PNPLA4: variants seen among roughly 807,000 people sequenced by gnomAD.
PNPLA4 encodes the protein patatin like domain 4, phospholipase and triacylglycerol lipase, also known as patatin-like phospholipase domain-containing protein 4.
A neutral mutation model predicts 18.3 loss-of-function variants in PNPLA4; 15 were observed. That is an observed-to-expected ratio of 0.82 (90% CI 0.55 to 1.26). The LOEUF is 1.26. Ranked by LOEUF, PNPLA4 falls within the 50% of genes most tolerant of loss-of-function variation. PNPLA4 has a pLI of 0.00. For missense variants in PNPLA4, 229 were observed against 196.8 expected, an observed-to-expected ratio of 1.16 and a Z score of -0.98; for synonymous variants, 88 against 85.6, an observed-to-expected ratio of 1.03 and a Z score of -0.16.
intron 5 of PNPLA4, among the ~76,000 whole-genome samples, chrX:7,902,699 C>T (rs767553191): frequency 3.6e-5 from 4 of 111,635 alleles, no homozygotes; most frequent in Non-Finnish European, 5.6e-5. Context: ...TCAAGCCCAC[C>T]GCAAAGGGGA....
At position 7,921,955 on chromosome X, in the gene PNPLA4, G is replaced by A. The variant is rs768713174; in HGVS notation, c.275+49C>T. 8 of 1,130,472 alleles carry A rather than the reference G, an allele frequency of 7.1e-6. No individual in the cohort carries two copies. The South Asian group carries it at 7.5e-5, about 11-fold the overall frequency. The allele number at this position is 1,130,472 out of a possible 1,213,427, so 93.2% of individuals were successfully genotyped here. ...CTTGCCAAAGTTTGTACAGAGAGTC[G>A]TCAACATTCTGTCTTCATGTACTTT... On this transcript the variant is annotated intron_variant, in intron 3 of 6. Coordinates refer to ENST00000381042, the MANE Select transcript of PNPLA4 (RefSeq NM_004650.3).
chrX:7,920,936 C>T (rs756443119), intron 4 of PNPLA4, among the ~76,000 whole-genome samples: 1 of 112,565 alleles, frequency 8.9e-6, no homozygotes, highest in Admixed American at 9.4e-5. Flanking sequence ...TACATAGGTA[C>T]GTACATCACA....
chrX:7,912,834 G>A (rs1286667092), intron 4 of PNPLA4, among the ~76,000 whole-genome samples: 1 of 112,049 alleles, frequency 8.9e-6, no homozygotes, highest in Non-Finnish European at 1.9e-5. Flanking sequence ...TCTTTCAACT[G>A]ATAAGTGAAA....
upstream of PNPLA4, chrX:7,927,470 C>G (rs1223302405): frequency 8.8e-6 from 1 of 113,618 alleles, no homozygotes; most frequent in Non-Finnish European, 1.9e-5. Flanking sequence ...ATCGCGCCGA[C>G]GAAGGCGCCC....
At chrX:7,921,946 C>T (rs1232896274) in intron 3 of PNPLA4, 58 bp downstream of exon 3, 1 of 1,125,637 alleles carries the variant, frequency 8.9e-7, no homozygotes, top group East Asian at 3.0e-5. Context: ...AAAGTTTGTA[C>T]AGAGAGTCGT....
intron 2 of PNPLA4, among the ~76,000 whole-genome samples, chrX:7,924,668 C>A (rs1374995007): frequency 8.9e-6 from 1 of 112,335 alleles, no homozygotes; most frequent in Non-Finnish European, 1.9e-5. Context: ...AATATGATGA[C>A]ATCAAGTCTC....
intron 4 of PNPLA4, among the ~76,000 whole-genome samples, chrX:7,918,298 G>A (rs142586677): frequency 7.2e-5 from 8 of 111,722 alleles, no homozygotes; most frequent in Non-Finnish European, 1.3e-4. Context: ...CCTCACAATC[G>A]TGGTGGAAGG....
chrX:7,918,448 C>T (rs1308587957), intron 4 of PNPLA4, among the ~76,000 whole-genome samples: 1 of 111,427 alleles, frequency 9.0e-6, no homozygotes, highest in African/African-American at 3.3e-5. Context: ...AAACCATCCC[C>T]ATAATTCAAT....
chrX:7,917,172 T>C (rs1479453527), intron 4 of PNPLA4, among the ~76,000 whole-genome samples: 2 of 112,499 alleles, frequency 1.8e-5, no homozygotes, highest in Non-Finnish European at 3.8e-5. Flanking sequence ...AACAATCAAC[T>C]AGCATTGCAG....
Position 7,901,997 on chromosome X carries a change from C to A in PNPLA4, c.622G>T (p.Asp208Tyr). ...TGAACATAATTACTCACCATGATAT[C>A]CTGCTTGGCGATATTAACATACAGA... Reference protein sequence around the residue: ...LDLYVNIAKQDIMLSLANLVR... With the variant: ...LDLYVNIAKQYIMLSLANLVR... Residue 208 changes from aspartate (D) to tyrosine (Y), a missense_variant, in exon 6 of 7, where the codon GAT becomes TAT. Coordinates refer to ENST00000381042, the MANE Select transcript of PNPLA4 (RefSeq NM_004650.3). The A allele has an allele frequency of 8.3e-7, 1 of 1,207,406 alleles. No homozygotes were observed. The highest frequency in any genetic ancestry group is 1.1e-6 in the Non-Finnish European group (1 of 893,403).
intron 5 of PNPLA4, among the ~76,000 whole-genome samples, chrX:7,910,957 G>A (rs1399178359): frequency 9.0e-6 from 1 of 110,817 alleles, no homozygotes; most frequent in Non-Finnish European, 1.9e-5. Flanking sequence ...TCTAGTAATT[G>A]TTAGATAACT....
chrX:7,902,059 C>T lies in PNPLA4; in HGVS notation c.560G>A (p.Arg187Gln), dbSNP rs2231793. The stretch of plus-strand genomic sequence containing the variant: ...TTTGTCCTGCGGGGAGATGTCCAGT[C>T]GTCCACTGAAGGGGGAGATGGTTAC... ...RTVTISPFSG[R>Q]LDISPQDKGQ... The change falls in exon 6 of 7, where the codon CGA (arginine) becomes CAA (glutamine). Residue 187 changes from arginine (R) to glutamine (Q), a missense_variant. Physicochemically the swap from Arg to Gln is conservative, Grantham distance 43. Transcript: ENST00000381042. 8 of 1,209,083 alleles carry T rather than the reference C, an allele frequency of 6.6e-6. No homozygotes were observed. The highest frequency in any genetic ancestry group is 1.7e-5 in the African/African-American group (1 of 57,612).
At chrX:7,926,983 CT>C (rs1482455479) in intron 1 of PNPLA4, among the ~76,000 whole-genome samples, 2 of 112,626 alleles carry the variant, frequency 1.8e-5, no homozygotes, top group Admixed American at 9.3e-5. Context: ...ATTTAGGGAC[CT>C]AAGACCGCCT....
chrX:7,917,099 G>T (rs113860479), intron 4 of PNPLA4, among the ~76,000 whole-genome samples: 1,745 of 112,374 alleles, frequency 0.016, 22 homozygotes, highest in Middle Eastern at 0.037. Context: ...TCAAAATTCT[G>T]TGGAAATTCA....
At position 7,904,334 on chromosome X, in the gene PNPLA4, C is replaced by A. The variant is rs754009759; in HGVS notation, c.478-2193G>T. Among the ~76,000 whole-genome samples the A allele has an allele frequency of 7.1e-5, 8 of 112,145 alleles. No individual in the cohort carries two copies. The South Asian group carries it at 2.9e-3, about 41-fold the overall frequency. On this transcript the variant is annotated intron_variant, in intron 5 of 6. Transcript: ENST00000381042. ...GTTAATGACTGCTGTTTTAGGGAAT[C>A]GAAAATCCTTTTTCCAAATTTTGTT...
Position 7,923,090 on chromosome X carries a change from A to G in PNPLA4, c.181-992T>C, listed in dbSNP as rs1322511641. Among the ~76,000 whole-genome samples the G allele has an allele frequency of 8.0e-5, 9 of 112,600 alleles. No homozygotes were observed. In the East Asian group the frequency reaches 1.7e-3, roughly 21 times the overall value. ...ATTGCAGAATTTCAGTTAAGTGGCTATATTATTGCAGCAGTCTCTCCTCTC... is the reference window on the plus strand; with the variant it reads ...ATTGCAGAATTTCAGTTAAGTGGCTGTATTATTGCAGCAGTCTCTCCTCTC... On this transcript the variant is annotated intron_variant, in intron 2 of 6. Coordinates refer to ENST00000381042, the MANE Select transcript of PNPLA4 (RefSeq NM_004650.3).
At chrX:7,909,331 G>A (rs1391436931) in intron 5 of PNPLA4, among the ~76,000 whole-genome samples, 4 of 111,698 alleles carry the variant, frequency 3.6e-5, no homozygotes, top group African/African-American at 9.8e-5. Flanking sequence ...AAGCCAAGGC[G>A]GGTGGATCAC....
intron 2 of PNPLA4, among the ~76,000 whole-genome samples, chrX:7,924,905 C>T (rs1311860906): frequency 8.9e-6 from 1 of 112,234 alleles, no homozygotes; most frequent in Non-Finnish European, 1.9e-5. Flanking sequence ...TGAAAGCCCT[C>T]TGCTTCAAAA....
intron 4 of PNPLA4, among the ~76,000 whole-genome samples, chrX:7,917,612 A>G: frequency 8.9e-6 from 1 of 112,055 alleles, no homozygotes; most frequent in African/African-American, 3.2e-5. Context: ...TTTAAAACAC[A>G]CTTTCACATG....
Sources: allele counts gnomAD v4.1 joint callset (sites outside exome capture counted in the v4.1 genomes callset), GRCh38; gene constraint gnomAD v4.1.1; transcripts MANE v1.5; gene names NCBI Gene and HGNC (gene_info 2026-07-23, HGNC 2026-07-21).